The following SLC19A3 variants were observed in gnomAD, a reference collection of about 807,000 sequenced individuals.
The protein encoded by SLC19A3 is solute carrier family 19 member 3, also known as thiamine transporter 2.
SLC19A3 carries 31 observed loss-of-function variants against 40.2 expected under a neutral mutation model. The ratio of observed to expected loss-of-function variants is 0.77; its 90% CI spans 0.58 to 1.04. The LOEUF (loss-of-function observed/expected upper bound fraction) is 1.04. Ranked by LOEUF, SLC19A3 falls within the 50% of genes least tolerant of loss-of-function variation. SLC19A3 has a pLI of 0.00. For missense variants in SLC19A3, 592 were observed against 596.7 expected (o/e 0.99, Z 0.08); for synonymous variants, 212 against 227.5 (o/e 0.93, Z 0.61).
rs926102902 is a variant in SLC19A3, at chr2:227,703,332, C to T, written c.-2-1012G>A. 6.6e-6 allele frequency among the ~76,000 whole-genome samples: 1 copy of T among 152,012 alleles called. No individual in the cohort carries two copies. Among genetic ancestry groups the T allele is most frequent in the Non-Finnish European group, 1.5e-5 (1 of 67,996 alleles). On this transcript the variant is annotated intron_variant, in intron 1 of 5. Transcript: ENST00000644224. The surrounding 1 kb of genome is among the most constrained non-coding windows in gnomAD (Gnocchi z 4.7). The stretch of plus-strand genomic sequence containing the variant: ...TTCCAGGTATCCAGTGGGTGGGGAG[C>T]TTTACTAGGGGTTGGGGAGGTAGGA...
At chr2:227,714,679 G>C in intron 1 of SLC19A3, 2 of 582,950 alleles carry the variant, frequency 3.4e-6, no homozygotes, top group Non-Finnish European at 4.1e-6. Flanking sequence ...CTCTTCTGCA[G>C]CCGATGACAT....
intron 4 of SLC19A3, among the ~76,000 whole-genome samples, chr2:227,694,062 C>G (rs1695335126): frequency 6.6e-6 from 1 of 152,084 alleles, no homozygotes; most frequent in South Asian, 2.1e-4. Flanking sequence ...AAAAAACAAG[C>G]AATAAATGCT....
At position 227,703,600 on chromosome 2, in the gene SLC19A3, C is replaced by G. The variant is rs76433041; in HGVS notation, c.-2-1280G>C. 0.016 allele frequency among the ~76,000 whole-genome samples: 2,378 copies of G among 152,308 alleles called. 53 individuals carry two copies. Among genetic ancestry groups the G allele is most frequent in the South Asian group, 0.026 (123 of 4,820 alleles). On this transcript the variant is annotated intron_variant, in intron 1 of 5. Transcript: ENST00000644224. This position sits in a 1 kb window ranked among gnomAD's most constrained non-coding sequence, Gnocchi z 4.7. ...AAAGGCAAATTACAGTGACTGTTAA[C>G]CTACTCCCTTAGTCCAGAAAACAGG...
Position 227,698,998 on chromosome 2 carries a change from G to A in SLC19A3, c.717C>T (p.Ser239=), listed in dbSNP as rs1266866928. The A allele has an allele frequency of 1.2e-6, 2 of 1,614,108 alleles. No homozygotes were observed. Among genetic ancestry groups the A allele is most frequent in the Non-Finnish European group, 1.7e-6 (2 of 1,180,048 alleles). Residue 239 remains serine (S), a synonymous_variant, in exon 3 of 6, where the codon AGC becomes AGT. Coordinates refer to ENST00000644224, the MANE Select transcript of SLC19A3 (RefSeq NM_025243.4). ...EEQKPTSEIL[S]TSGKLNKGQL... The stretch of plus-strand genomic sequence containing the variant: ...GGCCCTTATTCAGCTTCCCTGAAGT[G>A]CTGAGTATTTCTGATGTGGGTTTCT...
In SLC19A3 at chr2:227,687,223, G is replaced by A. The variant is rs1695049107; in HGVS notation, c.*174C>T. Reference sequence around the variant, plus strand: ...CCTGTCAATTGCATCCAGTAAAATTGGTCACATAGAGAACTCATCTAAAAC... The same window carrying A: ...CCTGTCAATTGCATCCAGTAAAATTAGTCACATAGAGAACTCATCTAAAAC... On this transcript the variant is annotated 3_prime_UTR_variant, in exon 6 of 6. Transcript: ENST00000644224. 1 of 599,656 alleles carries A rather than the reference G, an allele frequency of 1.7e-6. No homozygotes were observed. Among genetic ancestry groups the A allele is most frequent in the Non-Finnish European group, 2.8e-6 (1 of 352,444 alleles). The allele number at this position is 599,656 out of a possible 1,614,324, so 37.1% of individuals were successfully genotyped here.
At chr2:227,694,885 T>C (rs758952156) in intron 4 of SLC19A3, among the ~76,000 whole-genome samples, 1 of 151,782 alleles carries the variant, frequency 6.6e-6, no homozygotes, top group African/African-American at 2.4e-5. Context: ...TGACACTCTG[T>C]CTCTACAAAA....
At position 227,687,263 on chromosome 2, in the gene SLC19A3, G is replaced by T; in HGVS notation, c.*134C>A. On this transcript the variant is annotated 3_prime_UTR_variant, in exon 6 of 6. Coordinates refer to ENST00000644224, the MANE Select transcript of SLC19A3 (RefSeq NM_025243.4). The stretch of plus-strand genomic sequence containing the variant: ...TCATCTAAAACTGAGGTTTTGTTGT[G>T]GTTTTGAAAGGTCCATTGGAATCCA... The T allele has an allele frequency of 1.1e-6, 1 of 879,328 alleles. No individual in the cohort carries two copies. Among genetic ancestry groups the T allele is most frequent in the South Asian group, 1.8e-5 (1 of 56,678 alleles). The allele number at this position is 879,328 out of a possible 1,614,324, so 54.5% of individuals were successfully genotyped here.
intron 4 of SLC19A3, among the ~76,000 whole-genome samples, chr2:227,689,754 A>G (rs905023705): frequency 4.6e-5 from 7 of 152,230 alleles, no homozygotes; most frequent in Non-Finnish European, 1.0e-4. Flanking sequence ...TCTCATAAGT[A>G]GAAAGACTAA....
chr2:227,714,498 T>C, intron 1 of SLC19A3: 1 of 985,424 alleles, frequency 1.0e-6, no homozygotes, highest in Non-Finnish European at 1.2e-6. Context: ...CCAAGCTGGC[T>C]TCCTGCCTTC....
intron 2 of SLC19A3, among the ~76,000 whole-genome samples, chr2:227,701,442 G>A (rs1695684040): frequency 6.6e-6 from 1 of 151,928 alleles, no homozygotes; most frequent in Admixed American, 6.6e-5. Flanking sequence ...GCCAACATGG[G>A]GAAACCCTGT....
intron 3 of SLC19A3, among the ~76,000 whole-genome samples, chr2:227,698,176 T>G: frequency 6.6e-6 from 1 of 152,124 alleles, no homozygotes; most frequent in Non-Finnish European, 1.5e-5. Context: ...ATTTTTATTT[T>G]TTTGAGAGGA....
chr2:227,702,425 G>C, intron 1 of SLC19A3, 105 bp from the exon 2 acceptor site: 1 of 1,146,718 alleles, frequency 8.7e-7, no homozygotes. Context: ...ATGGAGGGTC[G>C]CTCTGTTGTC....
Position 227,684,349 on chromosome 2 carries a change from C to T in SLC19A3, c.*3048G>A, listed in dbSNP as rs60188280. 0.042 allele frequency: 6,317 copies of T among 152,160 alleles called. 149 individuals carry two copies. The highest frequency in any genetic ancestry group is 0.055 in the Middle Eastern group (16 of 292). 9.4% of individuals were successfully genotyped at this position (152,160 alleles called of 1,614,324 possible). ...TAATCCACTTTGGGTCTCACTCTGT[C>T]GCTCAGGCTGGAGTGCAGTGGCACA... On this transcript the variant is annotated 3_prime_UTR_variant, in exon 6 of 6. Coordinates refer to ENST00000644224, the MANE Select transcript of SLC19A3 (RefSeq NM_025243.4).
intron 1 of SLC19A3, among the ~76,000 whole-genome samples, chr2:227,712,578 C>T (rs114762297): frequency 0.02 from 3,068 of 152,152 alleles, 101 homozygotes; most frequent in African/African-American, 0.07. Flanking sequence ...ATTGCTTGTT[C>T]GAATGTAAAA....
In SLC19A3 at chr2:227,703,566, A is replaced by C. The variant is rs111814357; in HGVS notation, c.-2-1246T>G. On this transcript the variant is annotated intron_variant, in intron 1 of 5. Transcript: ENST00000644224. This position sits in a 1 kb window ranked among gnomAD's most constrained non-coding sequence, Gnocchi z 4.7. Reference sequence around the variant, plus strand: ...CAGTGAGCAATGCTGACAATGTGAAAATTTTGCCAAAGGCAAATTACAGTG... The same window carrying C: ...CAGTGAGCAATGCTGACAATGTGAACATTTTGCCAAAGGCAAATTACAGTG... Among the ~76,000 whole-genome samples the C allele has an allele frequency of 6.6e-6, 1 of 152,222 alleles. No homozygotes were observed. Among genetic ancestry groups the C allele is most frequent in the Admixed American group, 6.5e-5 (1 of 15,286 alleles).
chr2:227,710,078 A>G (rs986742486), intron 1 of SLC19A3, among the ~76,000 whole-genome samples: 2 of 152,096 alleles, frequency 1.3e-5, no homozygotes, highest in African/African-American at 2.4e-5. Flanking sequence ...GGAGAATCTA[A>G]TGCCGCCACT....
chr2:227,704,216 A>G (rs1695833738), intron 1 of SLC19A3, among the ~76,000 whole-genome samples: 1 of 152,174 alleles, frequency 6.6e-6, no homozygotes, highest in African/African-American at 2.4e-5. Flanking sequence ...AGGGAAGACA[A>G]TCTTATAGAA....
At chr2:227,713,316 C>T (rs531711796) in intron 1 of SLC19A3, among the ~76,000 whole-genome samples, 89 of 149,940 alleles carry the variant, frequency 5.9e-4, no homozygotes, top group South Asian at 1.1e-3. Flanking sequence ...GCAGGAAAAT[C>T]CCTTGAGCCC....
chr2:227,701,966 T>C, intron 2 of SLC19A3: 2 of 557,838 alleles, frequency 3.6e-6, no homozygotes, highest in Middle Eastern at 4.9e-4. Context: ...TGTTAACACA[T>C]GTAATATGTT....
Sources: gnomAD v4.1 joint callset for allele counts (sites outside exome capture counted in the v4.1 genomes callset) on GRCh38, gnomAD v4.1.1 for gene constraint, Gnocchi (gnomAD v3.1) non-coding constraint, MANE v1.5 for transcripts, NCBI Gene and HGNC (gene_info 2026-07-23, HGNC 2026-07-21) for gene names.